Variants in ESPL1 observed in about 807,000 individuals in gnomAD.
The protein encoded by ESPL1 is separin.
ESPL1 carries 50 observed loss-of-function variants against 217.2 expected under a neutral mutation model. The observed-to-expected ratio is 0.23, with a 90% CI of 0.18 to 0.29. The LOEUF is 0.29. Ranked by LOEUF, ESPL1 falls within the 10% of genes least tolerant of loss-of-function variation. ESPL1 has a pLI of 1.00. For synonymous variants in ESPL1, 994 were observed against 1,081.3 expected (o/e 0.92, Z 1.58); for missense variants, 1,834 against 2,603.0 (o/e 0.70, Z 6.43).
Position 53,282,200 on chromosome 12 carries a change from G to A in ESPL1, c.2620-64G>A. ...AGGGATGGGGCCACGTAATCTCCAG[G>A]GCCTCTCAAGCTCTGGAGTGCCTGA... On this transcript the variant is annotated intron_variant, in intron 13 of 30. Coordinates refer to ENST00000257934, the MANE Select transcript of ESPL1 (RefSeq NM_012291.5). The surrounding 1 kb of genome is among the most constrained non-coding windows in gnomAD (Gnocchi z 4.0). 2 of 1,397,226 alleles carry A rather than the reference G, an allele frequency of 1.4e-6. No homozygotes were observed. Among genetic ancestry groups the A allele is most frequent in the South Asian group, 2.3e-5 (2 of 85,368 alleles). 86.6% of individuals were successfully genotyped at this position (1,397,226 alleles called of 1,614,324 possible).
rs1944085350 is a variant in ESPL1 at position 53,292,779 on chromosome 12, G to T, written c.5997-27G>T. The T allele has an allele frequency of 1.2e-6, 2 of 1,606,874 alleles. No homozygotes were observed. The highest frequency in any genetic ancestry group is 2.2e-5 in the South Asian group (2 of 91,022). On this transcript the variant is annotated intron_variant, in intron 29 of 30. Transcript: ENST00000257934. The surrounding 1 kb of genome is among the most constrained non-coding windows in gnomAD (Gnocchi z 4.5). Reference sequence around the variant, plus strand: ...CAGAGGCCAGGTATTACTAGCTCAAGACTCATCTCACCTCCTTCTGCCTTA... The same window carrying T: ...CAGAGGCCAGGTATTACTAGCTCAATACTCATCTCACCTCCTTCTGCCTTA...
chr12:53,268,730 C>A, intron 1 of ESPL1, 25 bp from the exon 2 acceptor site: 1 of 1,417,788 alleles, frequency 7.1e-7, no homozygotes, highest in Non-Finnish European at 9.9e-7. Flanking sequence ...TAACAATCTT[C>A]TCTAATTGGT....
intron 3 of ESPL1, 144 bp from the exon 4 acceptor site, chr12:53,270,234 T>TA (rs1943644644): frequency 1.1e-6 from 1 of 927,694 alleles, no homozygotes; most frequent in Non-Finnish European, 1.7e-6. Context: ...CAGCCTAGTC[T>TA]ATCCTGAGAG....
chr12:53,282,829 T>C lies in ESPL1; in HGVS notation c.2792-300T>C, dbSNP rs1025620748. 1.3e-5 allele frequency among the ~76,000 whole-genome samples: 2 copies of C among 152,176 alleles called. No homozygotes were observed. The highest frequency in any genetic ancestry group is 4.8e-5 in the African/African-American group (2 of 41,426). Reference sequence around the variant, plus strand: ...CCACTACGCCCGACTAATTTTTGTATTATTAGTAGAGGTGGGGTTTCACCA... The same window carrying C: ...CCACTACGCCCGACTAATTTTTGTACTATTAGTAGAGGTGGGGTTTCACCA... On this transcript the variant is annotated intron_variant, in intron 14 of 30. Transcript: ENST00000257934. The surrounding 1 kb of genome is among the most constrained non-coding windows in gnomAD (Gnocchi z 4.0).
At chr12:53,277,990 A>T in intron 11 of ESPL1, 30 bp downstream of exon 11, 1 of 1,607,858 alleles carries the variant, frequency 6.2e-7, no homozygotes, top group South Asian at 1.1e-5. Context: ...AGGGGGACCC[A>T]TATAAACAAG....
chr12:53,280,923 C>T (rs1399461718), intron 12 of ESPL1, among the ~76,000 whole-genome samples: 2 of 150,644 alleles, frequency 1.3e-5, no homozygotes, highest in African/African-American at 2.4e-5. Context: ...TCCCGGGAGG[C>T]GGAGGTTGCG....
Position 53,282,236 on chromosome 12 carries a change from G to A in ESPL1, c.2620-28G>A. ...CTCTGGAGTGCCTGACTGCCTTACTGCCTCCTCTGGCTCCTTCTCTCCTTC... is the reference window on the plus strand; with the variant it reads ...CTCTGGAGTGCCTGACTGCCTTACTACCTCCTCTGGCTCCTTCTCTCCTTC... On this transcript the variant is annotated intron_variant, in intron 13 of 30. Transcript: ENST00000257934. This position sits in a 1 kb window ranked among gnomAD's most constrained non-coding sequence, Gnocchi z 4.0. 1 of 1,609,288 alleles carries A rather than the reference G, an allele frequency of 6.2e-7. No homozygotes were observed. The highest frequency in any genetic ancestry group is 1.1e-5 in the South Asian group (1 of 90,924).
intron 7 of ESPL1, among the ~76,000 whole-genome samples, chr12:53,276,069 G>C (rs1330969926): frequency 6.6e-6 from 1 of 152,156 alleles, no homozygotes; most frequent in Non-Finnish European, 1.5e-5. Context: ...CGAATGTGGT[G>C]GCATGAACCT....
chr12:53,270,899 C>T (rs918119544), intron 5 of ESPL1, 101 bp downstream of exon 5: 8 of 1,320,882 alleles, frequency 6.1e-6, no homozygotes, highest in Non-Finnish European at 8.4e-6. Flanking sequence ...TGTGAGGGTT[C>T]CTTATGGTTC....
In ESPL1 at chr12:53,269,707, C is replaced by T. The variant is rs764071073; in HGVS notation, c.765C>T (p.Thr255=). ...PQRALCLLEL[T]LEHCRRFCWS... Reference sequence around the variant, plus strand: ...GGGCCCTCTGCCTCTTGGAGCTCACCTTGGAACACTGCCGTCGCTTTTGCT... The same window carrying T: ...GGGCCCTCTGCCTCTTGGAGCTCACTTTGGAACACTGCCGTCGCTTTTGCT... The change falls in exon 3 of 31, where the codon ACC becomes ACT. Residue 255 remains threonine (T), a synonymous_variant. Coordinates refer to ENST00000257934, the MANE Select transcript of ESPL1 (RefSeq NM_012291.5). The surrounding 1 kb of genome is among the most constrained non-coding windows in gnomAD (Gnocchi z 6.7). The T allele has an allele frequency of 6.2e-7, 1 of 1,614,170 alleles. No homozygotes were observed. Among genetic ancestry groups the T allele is most frequent in the South Asian group, 1.1e-5 (1 of 91,086 alleles).
At position 53,291,994 on chromosome 12, in the gene ESPL1, A is replaced by G. The variant is rs1944068093; in HGVS notation, c.5702A>G (p.Lys1901Arg). 6.2e-7 allele frequency: 1 copy of G among 1,613,912 alleles called. No individual in the cohort carries two copies. Among genetic ancestry groups the G allele is most frequent in the Admixed American group, 1.7e-5 (1 of 59,998 alleles). Residue 1901 changes from lysine to arginine, a missense_variant, in exon 27 of 31, where the codon AAG (lysine) becomes AGG (arginine). Lys to Arg is a conservative substitution (Grantham distance 26). Around this residue, in one of 5 missense-constraint regions of ESPL1, gnomAD observed 295 missense variants for 519.8 expected, o/e 0.57. Transcript: ENST00000257934. ...GTGCTTTTTGCCCAGGACTTGCAGAAGCTGCCGTGGGAAAGCATGCCCAGC... is the reference window on the plus strand; with the variant it reads ...GTGCTTTTTGCCCAGGACTTGCAGAGGCTGCCGTGGGAAAGCATGCCCAGC... The part of the protein sequence containing the change: ...LVLVLDKDLQ[K>R]LPWESMPSLQ...
chr12:53,277,956 CA>C lies in ESPL1; in HGVS notation c.2363del (p.Lys788SerfsTer19). 6.2e-7 allele frequency: 1 copy of C among 1,613,320 alleles called. No homozygotes were observed. Among genetic ancestry groups the C allele is most frequent in the Non-Finnish European group, 8.5e-7 (1 of 1,179,856 alleles). On this transcript the variant is annotated frameshift_variant, in exon 11 of 31. Coordinates refer to ENST00000257934, the MANE Select transcript of ESPL1 (RefSeq NM_012291.5). LOFTEE classifies it high-confidence loss of function. ...CTAGCAGCCCTCTACCAGCTGGTGG[CA>C]AAGGTAATGGGGTGGGGCATTGAGG... ...QILAALYQLV[A>X]KPMQALEVLL...
chr12:53,268,539 G>C, intron 1 of ESPL1, 162 bp downstream of exon 1: 1 of 536,696 alleles, frequency 1.9e-6, no homozygotes, highest in South Asian at 2.1e-5. Context: ...CTGGGGTAGC[G>C]CGGCGAGTGG....
chr12:53,289,079 C>T lies in ESPL1; in HGVS notation c.4709-11C>T, dbSNP rs368046009. On this transcript the variant is annotated splice_polypyrimidine_tract_variant and intron_variant, in intron 20 of 30. Transcript: ENST00000257934. ...AATTCAGCTGTACCAAGTGTCCTGACGTTCTTCTAGGTCTTTCTACCCTGG... is the reference window on the plus strand; with the variant it reads ...AATTCAGCTGTACCAAGTGTCCTGATGTTCTTCTAGGTCTTTCTACCCTGG... 40 of 1,602,372 alleles carry T rather than the reference C, an allele frequency of 2.5e-5. No homozygotes were observed. The Middle Eastern group carries it at 5.0e-4, about 20-fold the overall frequency.
At chr12:53,290,523 C>T (rs1944036258) in intron 24 of ESPL1, 54 bp downstream of exon 24, 2 of 1,598,242 alleles carry the variant, frequency 1.3e-6, no homozygotes, top group South Asian at 1.1e-5. Flanking sequence ...CCGGGGGGTC[C>T]CAGTGACTTC....
At position 53,268,742 on chromosome 12, in the gene ESPL1, TC is replaced by T. The variant is rs752573806; in HGVS notation, c.-12-11del. On this transcript the variant is annotated splice_polypyrimidine_tract_variant and intron_variant, in intron 1 of 30. Transcript: ENST00000257934. ...CATTAACAATCTTCTCTAATTGGTC[TC>T]CTTTTCCCTAGCTCTCCGGTGTCAT... 1 of 1,546,902 alleles carries T rather than the reference TC, an allele frequency of 6.5e-7. No individual in the cohort carries two copies. The highest frequency in any genetic ancestry group is 1.1e-5 in the South Asian group (1 of 87,972).
intron 18 of ESPL1, 82 bp from the exon 19 acceptor site, chr12:53,287,890 G>A: frequency 7.3e-7 from 1 of 1,369,430 alleles, no homozygotes; most frequent in Non-Finnish European, 9.8e-7. Flanking sequence ...GCCTGATGGT[G>A]CCTCCACTAC....
At chr12:53,287,904 A>G in intron 18 of ESPL1, 68 bp from the exon 19 acceptor site, 1 of 1,486,450 alleles carries the variant, frequency 6.7e-7, no homozygotes, top group Non-Finnish European at 9.0e-7. Flanking sequence ...CCACTACGCC[A>G]CCTGCTGTCA....
rs777822796 is a variant in ESPL1 at position 53,270,101 on chromosome 12, G to C, written c.1143+16G>C. 2 of 1,586,670 alleles carry C rather than the reference G, an allele frequency of 1.3e-6. No homozygotes were observed. The highest frequency in any genetic ancestry group is 8.6e-7 in the Non-Finnish European group (1 of 1,165,308). On this transcript the variant is annotated intron_variant, in intron 3 of 30. Coordinates refer to ENST00000257934, the MANE Select transcript of ESPL1 (RefSeq NM_012291.5). ...GGATGATGGTGTGAGTTAAGGACCT[G>C]GAGGTAGGGTGGGGACGTGGTCTGT...
Sources: gnomAD v4.1 joint callset for allele counts (sites outside exome capture counted in the v4.1 genomes callset) on GRCh38, gnomAD v4.1.1 for gene constraint, gnomAD v4.1.1 regional missense constraint, Gnocchi (gnomAD v3.1) non-coding constraint, MANE v1.5 for transcripts, NCBI Gene and HGNC (gene_info 2026-07-23, HGNC 2026-07-21) for gene names.